CLYBL: variants seen among roughly 807,000 people sequenced by gnomAD.
CLYBL encodes citramalyl-CoA lyase, also known as citramalyl-CoA lyase, mitochondrial.
Under a neutral mutation model 38.9 loss-of-function variants are expected in CLYBL, and 31 were observed. The observed-to-expected ratio is 0.80, with a 90% confidence interval of 0.60 to 1.08. CLYBL has a LOEUF of 1.08. Ranked by LOEUF, CLYBL falls within the 50% of genes least tolerant of loss-of-function variation. CLYBL has a pLI of 0.00. For synonymous variants in CLYBL, 171 were observed against 158.6 expected (o/e 1.08, Z -0.59); for missense variants, 434 against 411.6 (o/e 1.05, Z -0.47).
intron 1 of CLYBL, among the ~76,000 whole-genome samples, chr13:99,717,670 G>T (rs995201605): frequency 6.6e-6 from 1 of 151,944 alleles, no homozygotes; most frequent in Non-Finnish European, 1.5e-5. Flanking sequence ...ATATTGCCCA[G>T]GCTGGTCTCA....
intron 2 of CLYBL, among the ~76,000 whole-genome samples, chr13:99,825,622 C>T (rs1247427987): frequency 1.3e-5 from 2 of 152,152 alleles, no homozygotes; most frequent in Non-Finnish European, 2.9e-5. Context: ...AACGCCATGA[C>T]TTGTTGGCTC....
intron 1 of CLYBL, among the ~76,000 whole-genome samples, chr13:99,667,372 C>T (rs899541018): frequency 6.6e-6 from 1 of 152,028 alleles, no homozygotes; most frequent in African/African-American, 2.4e-5. Context: ...CCCTCCCCAC[C>T]CACATACACA....
chr13:99,899,733 TAATA>T (rs1255438756), downstream of CLYBL, among the ~76,000 whole-genome samples: 3 of 152,152 alleles, frequency 2.0e-5, no homozygotes, highest in African/African-American at 7.2e-5. Context: ...GAGGAAAAAC[TAATA>T]AATAAATACA....
intron 1 of CLYBL, among the ~76,000 whole-genome samples, chr13:99,675,944 C>T (rs752409946): frequency 2.6e-5 from 4 of 152,234 alleles, no homozygotes; most frequent in Non-Finnish European, 5.9e-5. Context: ...ACCTCCACCT[C>T]CCGGGTTCAA....
chr13:99,795,087 G>A, intron 2 of CLYBL, among the ~76,000 whole-genome samples: 2 of 152,160 alleles, frequency 1.3e-5, no homozygotes, highest in East Asian at 3.8e-4. Flanking sequence ...ATGGTGTTTT[G>A]CTGATAACAG....
At chr13:99,609,831 C>T (rs759519724) in intron 1 of CLYBL, among the ~76,000 whole-genome samples, 27 of 152,330 alleles carry the variant, frequency 1.8e-4, no homozygotes, top group Middle Eastern at 3.4e-3. Flanking sequence ...CCATCATGCC[C>T]GGCCCTTTTC....
chr13:99,823,765 C>T (rs749573302), intron 2 of CLYBL, among the ~76,000 whole-genome samples: 11 of 152,180 alleles, frequency 7.2e-5, no homozygotes, highest in Non-Finnish European at 1.5e-4. Flanking sequence ...ACTGGACTCT[C>T]CAACAGAGCC....
At chr13:99,672,038 T>A (rs1307018276) in intron 1 of CLYBL, among the ~76,000 whole-genome samples, 4 of 152,160 alleles carry the variant, frequency 2.6e-5, no homozygotes, top group Non-Finnish European at 5.9e-5. Flanking sequence ...GAGTGATGGG[T>A]ATGTCTCACA....
At chr13:99,816,717 A>C (rs2050455879) in intron 2 of CLYBL, among the ~76,000 whole-genome samples, 2 of 152,218 alleles carry the variant, frequency 1.3e-5, no homozygotes, top group Admixed American at 1.3e-4. Flanking sequence ...GCAAGTCCTC[A>C]CCAAACACCG....
At chr13:99,802,780 A>G (rs148048651) in intron 2 of CLYBL, among the ~76,000 whole-genome samples, 1 of 152,182 alleles carries the variant, frequency 6.6e-6, no homozygotes, top group South Asian at 2.1e-4. Flanking sequence ...TGCTGGGAAC[A>G]TCTTAACTCA....
intron 1 of CLYBL, among the ~76,000 whole-genome samples, chr13:99,741,438 A>G (rs191821502): frequency 7.7e-4 from 118 of 152,348 alleles, no homozygotes; most frequent in Non-Finnish European, 1.3e-3. Context: ...ACCTTCATCC[A>G]TCGAGGGCTT....
Position 99,637,699 on chromosome 13 carries a change from G to A in CLYBL, c.62+30942G>A, listed in dbSNP as rs374439119. Among the ~76,000 whole-genome samples the A allele has an allele frequency of 6.3e-4, 96 of 152,252 alleles. 1 individual carries two copies. The highest frequency in any genetic ancestry group is 2.1e-3 in the African/African-American group (88 of 41,558). ...CTTGAACCCAGGAGGTGGAGGTTGC[G>A]GTGAGCTGAGATCGCGCCACTGCAT... On this transcript the variant is annotated intron_variant, in intron 1 of 8. Coordinates refer to ENST00000339105, the MANE Select transcript of CLYBL (RefSeq NM_206808.5).
At chr13:99,658,860 A>T (rs1204893059) in intron 1 of CLYBL, among the ~76,000 whole-genome samples, 1 of 152,230 alleles carries the variant, frequency 6.6e-6, no homozygotes, top group Non-Finnish European at 1.5e-5. Context: ...ACTCCATTGC[A>T]AAGGACTTGT....
intron 2 of CLYBL, among the ~76,000 whole-genome samples, chr13:99,800,343 T>G (rs926474146): frequency 6.6e-6 from 1 of 152,252 alleles, no homozygotes; most frequent in African/African-American, 2.4e-5. Flanking sequence ...CTCTCTGAAT[T>G]TTACCTGAGG....
intron 1 of CLYBL, among the ~76,000 whole-genome samples, chr13:99,747,799 C>T (rs1357617626): frequency 2.0e-5 from 3 of 152,186 alleles, no homozygotes; most frequent in East Asian, 3.9e-4. Flanking sequence ...CCTTCCTTAG[C>T]GAGGGCCAGC....
At chr13:99,822,464 T>C (rs1407476812) in intron 2 of CLYBL, among the ~76,000 whole-genome samples, 2 of 152,136 alleles carry the variant, frequency 1.3e-5, no homozygotes, top group African/African-American at 2.4e-5. Flanking sequence ...TGGTGTTTGG[T>C]GCATTGGCAG....
chr13:99,776,285 A>G (rs924148228), intron 2 of CLYBL, among the ~76,000 whole-genome samples: 1 of 151,814 alleles, frequency 6.6e-6, no homozygotes, highest in African/African-American at 2.4e-5. Context: ...ACTTGAGGCC[A>G]GTAGTTCAAG....
chr13:99,691,178 G>A (rs755361724), intron 1 of CLYBL, among the ~76,000 whole-genome samples: 5 of 152,176 alleles, frequency 3.3e-5, no homozygotes, highest in Admixed American at 6.5e-5. Flanking sequence ...GCATAAAAAT[G>A]TGTAAGCACT....
chr13:99,819,054 A>G (rs1270745916), intron 2 of CLYBL, among the ~76,000 whole-genome samples: 1 of 152,068 alleles, frequency 6.6e-6, no homozygotes, highest in Non-Finnish European at 1.5e-5. Context: ...TAAATTACAC[A>G]AATTTAATAG....
Sources: allele counts gnomAD v4.1 joint callset (sites outside exome capture counted in the v4.1 genomes callset), GRCh38; gene constraint gnomAD v4.1.1; transcripts MANE v1.5; gene names NCBI Gene and HGNC (gene_info 2026-07-23, HGNC 2026-07-21).